Variants in TBL3 observed in about 807,000 individuals in gnomAD.
TBL3 encodes transducin beta like 3.
Under a neutral mutation model 102.7 loss-of-function variants are expected in TBL3, and 71 were observed. The ratio of observed to expected loss-of-function variants is 0.69; its 90% CI spans 0.57 to 0.84. The LOEUF (loss-of-function observed/expected upper bound fraction) is 0.84. Among genes scored for constraint, TBL3 ranks in the 40% least tolerant of loss-of-function variants. TBL3 has a pLI of 0.00. For missense variants in TBL3, 1,188 were observed against 1,098.5 expected, an observed-to-expected ratio of 1.08 and a Z score of -1.15; for synonymous variants, 578 against 477.7, an observed-to-expected ratio of 1.21 and a Z score of -2.74.
Position 1,974,557 on chromosome 16 carries a change from G to T in TBL3, c.257G>T (p.Arg86Leu). ...CCCCAGGTGCTGGTGACAGCCAGTC[G>T]GGCATTGCTGCTGGCTCAGTGGGCC... ...PDNEVLVTAS[R>L]ALLLAQWAWQ... Residue 86 changes from arginine (R) to leucine (L), a missense_variant, in exon 5 of 22, where the codon CGG becomes CTG. Physicochemically the swap from Arg to Leu is moderately radical, Grantham distance 102. Coordinates refer to ENST00000568546, the MANE Select transcript of TBL3 (RefSeq NM_006453.3). 1 of 1,609,038 alleles carries T rather than the reference G, an allele frequency of 6.2e-7. No individual in the cohort carries two copies. The highest frequency in any genetic ancestry group is 8.5e-7 in the Non-Finnish European group (1 of 1,176,778).
At chr16:1,975,755 C>T (rs2083395874) in intron 10 of TBL3, 45 bp downstream of exon 10, 1 of 1,613,282 alleles carries the variant, frequency 6.2e-7, no homozygotes, top group Admixed American at 1.7e-5. Context: ...GGGCACCAGC[C>T]CTCCTCTTAC....
rs1029833492 is a variant in TBL3 at position 1,979,201 on chromosome 16, G to A, written c.*516G>A. ...GAAGGTCGGGTGGGCACGGTGGGGG[G>A]AGGGGCGGTGGCCTGGGAGGGTTCA... On this transcript the variant is annotated 3_prime_UTR_variant, in exon 22 of 22. Transcript: ENST00000568546. 6.8e-7 allele frequency: 1 copy of A among 1,464,624 alleles called. No individual in the cohort carries two copies. The highest frequency in any genetic ancestry group is 9.0e-7 in the Non-Finnish European group (1 of 1,115,980). 90.7% of individuals were successfully genotyped at this position (1,464,624 alleles called of 1,614,324 possible). A position where few individuals can be genotyped will look rare whatever the true frequency, so the allele number is the denominator to read the frequency against.
Position 1,980,438 on chromosome 16 carries a change from T to A in TBL3, c.*1753T>A, listed in dbSNP as rs1285363277. 3 of 1,602,244 alleles carry A rather than the reference T, an allele frequency of 1.9e-6. No homozygotes were observed. The highest frequency in any genetic ancestry group is 2.5e-6 in the Non-Finnish European group (3 of 1,179,854). Reference sequence around the variant, plus strand: ...AGAAGCCAGTGATCGTCGGGCTCCGTGCCACGCGCTCTGCAGTCGCCAGCA... The same window carrying A: ...AGAAGCCAGTGATCGTCGGGCTCCGAGCCACGCGCTCTGCAGTCGCCAGCA... On this transcript the variant is annotated 3_prime_UTR_variant, in exon 22 of 22. Transcript: ENST00000568546.
rs1419073508 is a variant in TBL3, at chr16:1,977,664, C to G, written c.1893C>G (p.Leu631=). 1.9e-6 allele frequency: 3 copies of G among 1,551,822 alleles called. No homozygotes were observed. Among genetic ancestry groups the G allele is most frequent in the Non-Finnish European group, 2.6e-6 (3 of 1,147,200 alleles). ...LTGASDSRVI[L]WKDVTEAEQA... ...GGGCCAGTGACTCCCGAGTCATCCT[C>G]TGGAAGGTTGTGGGCCCCAAGGGCA... Residue 631 remains leucine (L), a synonymous_variant, in exon 17 of 22, where the codon CTC becomes CTG. Coordinates refer to ENST00000568546, the MANE Select transcript of TBL3 (RefSeq NM_006453.3).
At position 1,975,814 on chromosome 16, in the gene TBL3, G is replaced by A. The variant is rs1450303154; in HGVS notation, c.994G>A (p.Gly332Ser). 1.2e-6 allele frequency: 2 copies of A among 1,614,188 alleles called. No homozygotes were observed. Among genetic ancestry groups the A allele is most frequent in the East Asian group, 2.2e-5 (1 of 44,888 alleles). ...GCTCCCTGCCACCCCGCAGTTCGCT[G>A]GCTACAGTGAGGAGGTTTTGGATGT... ...RSLRLQKQFA[G>S]YSEEVLDVRF... The change falls in exon 11 of 22, where the codon GGC becomes AGC. Residue 332 changes from glycine (G) to serine (S), a missense_variant. Coordinates refer to ENST00000568546, the MANE Select transcript of TBL3 (RefSeq NM_006453.3).
Position 1,980,385 on chromosome 16 carries a change from G to A in TBL3, c.*1700G>A, listed in dbSNP as rs1366862695. ...CAGGCACCTGCCGGGTGGCAGCGCG[G>A]GCTCCAGGTCCAGGGGTTGCGGTGC... is the stretch of plus-strand genomic sequence containing the variant. On this transcript the variant is annotated 3_prime_UTR_variant, in exon 22 of 22. Coordinates refer to ENST00000568546, the MANE Select transcript of TBL3 (RefSeq NM_006453.3). 1 of 1,601,762 alleles carries A rather than the reference G, an allele frequency of 6.2e-7. No individual in the cohort carries two copies.
At chr16:1,975,997 T>A (rs2083398355) in intron 11 of TBL3, 48 bp downstream of exon 11, 1 of 1,613,944 alleles carries the variant, frequency 6.2e-7, no homozygotes, top group African/African-American at 1.3e-5. Context: ...CCTCGGTCCC[T>A]TGCTTGCTTC....
chr16:1,980,312 C>T lies in TBL3; in HGVS notation c.*1627C>T. 1 of 1,561,102 alleles carries T rather than the reference C, an allele frequency of 6.4e-7. No homozygotes were observed. The highest frequency in any genetic ancestry group is 8.6e-7 in the Non-Finnish European group (1 of 1,156,888). ...GCTGGCTGTTCCCCCCCACCCTGGA[C>T]CTCTCCCAGCTCCAAACGCCGCTGC... On this transcript the variant is annotated 3_prime_UTR_variant, in exon 22 of 22. Transcript: ENST00000568546.
In TBL3 at chr16:1,975,547, A is replaced by G; in HGVS notation, c.824A>G (p.Glu275Gly). 6.3e-7 allele frequency: 1 copy of G among 1,597,224 alleles called. No individual in the cohort carries two copies. Among genetic ancestry groups the G allele is most frequent in the Non-Finnish European group, 8.5e-7 (1 of 1,176,692 alleles). ...CACACAGGCACTCTGCGCGTGTGGG[A>G]GGCAGCTTCTGGGCAGTGTGTGTAC... ...AGDQGTLRVW[E>G]AASGQCVYTQ... The change falls in exon 10 of 22, where the codon GAG (glutamate) becomes GGG (glycine). Residue 275 changes from glutamate (E) to glycine (G), a missense_variant. Coordinates refer to ENST00000568546, the MANE Select transcript of TBL3 (RefSeq NM_006453.3).
chr16:1,977,032 C>T, intron 14 of TBL3, 22 bp from the exon 15 acceptor site: 3 of 1,612,544 alleles, frequency 1.9e-6, no homozygotes, highest in Non-Finnish European at 1.7e-6. Context: ...ATTGCTGAGC[C>T]ACCACCTTCT....
In TBL3 at chr16:1,980,310, G is replaced by A; in HGVS notation, c.*1625G>A. The A allele has an allele frequency of 6.4e-7, 1 of 1,559,736 alleles. No individual in the cohort carries two copies. The highest frequency in any genetic ancestry group is 8.6e-7 in the Non-Finnish European group (1 of 1,156,418). On this transcript the variant is annotated 3_prime_UTR_variant, in exon 22 of 22. Transcript: ENST00000568546. ...TCGCTGGCTGTTCCCCCCCACCCTG[G>A]ACCTCTCCCAGCTCCAAACGCCGCT...
In TBL3 at chr16:1,976,817, G is replaced by A. The variant is rs1201901223; in HGVS notation, c.1296G>A (p.Leu432=). The A allele has an allele frequency of 2.5e-6, 4 of 1,613,238 alleles. No homozygotes were observed. Among genetic ancestry groups the A allele is most frequent in the African/African-American group, 1.3e-5 (1 of 74,920 alleles). Residue 432 remains leucine (L), a synonymous_variant, in exon 14 of 22, where the codon CTG becomes CTA. Coordinates refer to ENST00000568546, the MANE Select transcript of TBL3 (RefSeq NM_006453.3). ...HSVGTVCCSR[L]KESFLVTGSQ... The stretch of plus-strand genomic sequence containing the variant: ...CTCCTCTCCTGTTGGGTCACAGGCT[G>A]AAGGAGTCCTTCCTGGTGACAGGCA...
rs1295645905 is a variant in TBL3 at position 1,980,947 on chromosome 16, G to A, written c.*2262G>A. On this transcript the variant is annotated 3_prime_UTR_variant, in exon 22 of 22. Transcript: ENST00000568546. ...GGCCCAGGGTCACTCACCTTGAGCT[G>A]CCTGAATTCGTCCCAACTCCTGCGC... 1 of 1,612,574 alleles carries A rather than the reference G, an allele frequency of 6.2e-7. No individual in the cohort carries two copies. Among genetic ancestry groups the A allele is most frequent in the Non-Finnish European group, 8.5e-7 (1 of 1,179,808 alleles).
Position 1,977,083 on chromosome 16 carries a change from C to A in TBL3, c.1470C>A (p.Asn490Lys), listed in dbSNP as rs766637440. The A allele has an allele frequency of 6.2e-7, 1 of 1,613,278 alleles. No individual in the cohort carries two copies. The highest frequency in any genetic ancestry group is 1.1e-5 in the South Asian group (1 of 91,074). ...KDINSVAIAPNDKLLATGSQD... is the reference protein window; with the variant it reads ...KDINSVAIAPKDKLLATGSQD... ...TCAACAGCGTGGCTATTGCCCCCAA[C>A]GACAAGCTGCTGGCCACAGGCTCAC... Residue 490 changes from asparagine to lysine, a missense_variant, in exon 15 of 22, where the codon AAC (asparagine) becomes AAA (lysine). Asn to Lys is a moderately conservative substitution (Grantham distance 94). Coordinates refer to ENST00000568546, the MANE Select transcript of TBL3 (RefSeq NM_006453.3).
rs769048907 is a variant in TBL3 at position 1,976,959 on chromosome 16, A to G, written c.1438A>G (p.Lys480Glu). 6.2e-7 allele frequency: 1 copy of G among 1,613,836 alleles called. No individual in the cohort carries two copies. Among genetic ancestry groups the G allele is most frequent in the Non-Finnish European group, 8.5e-7 (1 of 1,179,998 alleles). Residue 480 changes from lysine to glutamate, a missense_variant and splice_region_variant, in exon 14 of 22, where the codon AAG becomes GAG. Lys to Glu is a moderately conservative substitution (Grantham distance 56). Transcript: ENST00000568546. ...QAQTTQRCHD[K>E]DINSVAIAPN... ...CCAGACCACTCAGCGCTGCCATGATAAGGTGACTCCATAGCCACTGGGGTG... is the reference window on the plus strand; with the variant it reads ...CCAGACCACTCAGCGCTGCCATGATGAGGTGACTCCATAGCCACTGGGGTG...
At position 1,979,681 on chromosome 16, in the gene TBL3, G is replaced by T. The variant is rs1054362082; in HGVS notation, c.*996G>T. The T allele has an allele frequency of 8.5e-7, 1 of 1,179,636 alleles. No homozygotes were observed. Among genetic ancestry groups the T allele is most frequent in the South Asian group, 1.5e-5 (1 of 66,196 alleles). The allele number at this position is 1,179,636 out of a possible 1,614,324, so 73.1% of individuals were successfully genotyped here. On this transcript the variant is annotated 3_prime_UTR_variant, in exon 22 of 22. Coordinates refer to ENST00000568546, the MANE Select transcript of TBL3 (RefSeq NM_006453.3). Reference sequence around the variant, plus strand: ...CCGGTTCGGGGCTTCCTCTAGGTGCGGAGACCAAGCACGGGCTCCTGGCCC... The same window carrying T: ...CCGGTTCGGGGCTTCCTCTAGGTGCTGAGACCAAGCACGGGCTCCTGGCCC...
chr16:1,975,965 C>T lies in TBL3; in HGVS notation c.1129+16C>T, dbSNP rs1567325367. 6.2e-7 allele frequency: 1 copy of T among 1,614,124 alleles called. No homozygotes were observed. Among genetic ancestry groups the T allele is most frequent in the Non-Finnish European group, 8.5e-7 (1 of 1,179,974 alleles). On this transcript the variant is annotated intron_variant, in intron 11 of 21. Transcript: ENST00000568546. ...GGCCACACGGGTGAGTGGGGCCAGC[C>T]CACCTGACACCCTGGGAGCCGCCTC...
rs769525999 is a variant in TBL3 at position 1,976,299 on chromosome 16, C to T, written c.1277C>T (p.Thr426Ile). ...TCCGGTCACACACACAGTGTGGGCA[C>T]CGTCTGCTGCTCTAGGTAGTGAGTC... ...QGSGHTHSVG[T>I]VCCSRLKESF... The change falls in exon 13 of 22, where the codon ACC (threonine) becomes ATC (isoleucine). Residue 426 changes from threonine (T) to isoleucine (I), a missense_variant. Thr to Ile is a moderately conservative substitution (Grantham distance 89, BLOSUM62 -1). Coordinates refer to ENST00000568546, the MANE Select transcript of TBL3 (RefSeq NM_006453.3). 6.2e-7 allele frequency: 1 copy of T among 1,613,554 alleles called. No homozygotes were observed. The highest frequency in any genetic ancestry group is 1.7e-5 in the Admixed American group (1 of 59,964).
rs1223196869 is a variant in TBL3, at chr16:1,980,742, G to A, written c.*2057G>A. The A allele has an allele frequency of 1.9e-6, 3 of 1,589,410 alleles. No individual in the cohort carries two copies. The East Asian group carries it at 6.8e-5, about 36-fold the overall frequency. ...CTCCTTGAGGGTCTTCTGAGGGCGG[G>A]AACCAGGGCATTGGTCTTCCAGAGC... On this transcript the variant is annotated 3_prime_UTR_variant, in exon 22 of 22. Transcript: ENST00000568546.
Sources: gnomAD v4.1 joint callset for allele counts on GRCh38, gnomAD v4.1.1 for gene constraint, MANE v1.5 for transcripts, NCBI Gene and HGNC (gene_info 2026-07-23, HGNC 2026-07-21) for gene names.